The following ABTB2 variants were observed in gnomAD, a reference collection of about 807,000 sequenced individuals.
ABTB2 encodes ankyrin repeat and BTB domain containing 2.
Under a neutral mutation model 104.1 loss-of-function variants are expected in ABTB2, and 56 were observed. The observed-to-expected ratio is 0.54, with a 90% CI of 0.43 to 0.67. ABTB2 has a LOEUF of 0.67. Among genes scored for constraint, ABTB2 ranks in the 30% least tolerant of loss-of-function variants. The pLI, the probability that ABTB2 is intolerant of heterozygous loss-of-function variation, is 0.00. For synonymous variants in ABTB2, 606 were observed against 608.2 expected (o/e 1.00, Z 0.05); for missense variants, 1,279 against 1,407.7 (o/e 0.91, Z 1.46).
At chr11:34,346,621 T>C (rs1855335447) in intron 1 of ABTB2, among the ~76,000 whole-genome samples, 1 of 152,120 alleles carries the variant, frequency 6.6e-6, no homozygotes, top group African/African-American at 2.4e-5. Context: ...CGCTCGACCT[T>C]AGGAAAATGA....
intron 1 of ABTB2, among the ~76,000 whole-genome samples, chr11:34,301,726 G>A (rs1854708767): frequency 6.6e-6 from 1 of 152,228 alleles, no homozygotes; most frequent in Non-Finnish European, 1.5e-5. Context: ...GCTCATGCCT[G>A]TAATCCCAAC....
At chr11:34,196,262 G>A (rs1166830609) in intron 3 of ABTB2, among the ~76,000 whole-genome samples, 1 of 152,158 alleles carries the variant, frequency 6.6e-6, no homozygotes, top group East Asian at 1.9e-4. Context: ...CATTAGAAAA[G>A]GTATCCTAAG....
chr11:34,341,803 T>G (rs2133123643), intron 1 of ABTB2, among the ~76,000 whole-genome samples: 1 of 152,218 alleles, frequency 6.6e-6, no homozygotes, highest in East Asian at 1.9e-4. Context: ...AAAACAAATT[T>G]TTCTTACTCC....
chr11:34,190,425 G>A (rs568749598), intron 3 of ABTB2, among the ~76,000 whole-genome samples: 5 of 152,292 alleles, frequency 3.3e-5, no homozygotes, highest in Non-Finnish European at 7.3e-5. Flanking sequence ...GCTTCCTCCT[G>A]CACTGTCTGG....
Position 34,356,651 on chromosome 11 carries a change from G to A in ABTB2, c.883+50C>T. On this transcript the variant is annotated intron_variant, in intron 1 of 16. Coordinates refer to ENST00000435224, the MANE Select transcript of ABTB2 (RefSeq NM_145804.3). This position sits in a 1 kb window ranked among gnomAD's most constrained non-coding sequence, Gnocchi z 4.6. Reference sequence around the variant, plus strand: ...AAATTCACTCCCCCAGTAGCCCAGGGCGGGATTTCTTGCCTACCCAGTCTG... The same window carrying A: ...AAATTCACTCCCCCAGTAGCCCAGGACGGGATTTCTTGCCTACCCAGTCTG... 1 of 1,493,824 alleles carries A rather than the reference G, an allele frequency of 6.7e-7. No homozygotes were observed. The highest frequency in any genetic ancestry group is 9.0e-7 in the Non-Finnish European group (1 of 1,114,036). The allele number at this position is 1,493,824 out of a possible 1,614,324, so 92.5% of individuals were successfully genotyped here.
At chr11:34,213,970 AC>A (rs923012143) in intron 1 of ABTB2, among the ~76,000 whole-genome samples, 2 of 152,112 alleles carry the variant, frequency 1.3e-5, no homozygotes, top group Non-Finnish European at 2.9e-5. Context: ...GAACTTAGTG[AC>A]CCAGGGAGCA....
At chr11:34,319,104 T>C (rs753412469) in intron 1 of ABTB2, among the ~76,000 whole-genome samples, 32 of 152,098 alleles carry the variant, frequency 2.1e-4, no homozygotes, top group African/African-American at 7.2e-4. Context: ...CACAGAGTAA[T>C]AGGAACAGCG....
At chr11:34,265,270 G>C (rs927261504) in intron 1 of ABTB2, among the ~76,000 whole-genome samples, 3 of 152,202 alleles carry the variant, frequency 2.0e-5, no homozygotes, top group African/African-American at 7.2e-5. Flanking sequence ...AGGCCCACCA[G>C]CATTGGTGCA....
chr11:34,257,637 G>A (rs1036946157), intron 1 of ABTB2, among the ~76,000 whole-genome samples: 1 of 152,108 alleles, frequency 6.6e-6, no homozygotes, highest in African/African-American at 2.4e-5. Flanking sequence ...TGCCCAGGCT[G>A]GAGTGCAGTG....
At chr11:34,205,307 C>T (rs1197290929) in intron 1 of ABTB2, among the ~76,000 whole-genome samples, 2 of 152,222 alleles carry the variant, frequency 1.3e-5, no homozygotes, top group Admixed American at 1.3e-4. Context: ...CGTGTCCTAG[C>T]CACGGGCCAA....
At chr11:34,313,458 AG>A (rs1335084937) in intron 1 of ABTB2, among the ~76,000 whole-genome samples, 1 of 152,298 alleles carries the variant, frequency 6.6e-6, no homozygotes, top group South Asian at 2.1e-4. Context: ...CACCACCATC[AG>A]GCCCCCCAGA....
chr11:34,168,406 G>T (rs1019272739), intron 5 of ABTB2, among the ~76,000 whole-genome samples: 2 of 152,238 alleles, frequency 1.3e-5, no homozygotes, highest in Non-Finnish European at 2.9e-5. Flanking sequence ...GCTTAGTTCA[G>T]AATGAGCTTA....
At chr11:34,349,161 C>T (rs796257911) in intron 1 of ABTB2, among the ~76,000 whole-genome samples, 209 of 152,288 alleles carry the variant, frequency 1.4e-3, no homozygotes, top group African/African-American at 4.5e-3. Context: ...GCCAGCAAAA[C>T]ACAAAACACC....
At chr11:34,198,818 C>T (rs896461902) in intron 2 of ABTB2, among the ~76,000 whole-genome samples, 1 of 152,250 alleles carries the variant, frequency 6.6e-6, no homozygotes, top group African/African-American at 2.4e-5. Flanking sequence ...CTGGCACCTG[C>T]AGGCACCTCC....
At chr11:34,348,251 T>C (rs140518762) in intron 1 of ABTB2, among the ~76,000 whole-genome samples, 106 of 152,342 alleles carry the variant, frequency 7.0e-4, no homozygotes, top group Admixed American at 3.2e-3. Flanking sequence ...TCTGGGGCCA[T>C]GGTTAAGATG....
In ABTB2 at chr11:34,170,941, A is replaced by C. The variant is rs761008650; in HGVS notation, c.1528T>G (p.Leu510Val). ...ATGGTGTTAACCCCATCCGGACCCA[A>C]GGCCTCGATGGCTTGGTTGATGAGG... The part of the protein sequence containing the change: ...TDLINQAIEA[L>V]GPDGVNTMDD... The change falls in exon 5 of 17, where the codon TTG becomes GTG. Residue 510 changes from leucine to valine, a missense_variant. Coordinates refer to ENST00000435224, the MANE Select transcript of ABTB2 (RefSeq NM_145804.3). 1.4e-5 allele frequency: 22 copies of C among 1,614,150 alleles called. No homozygotes were observed. In the South Asian group the frequency reaches 2.3e-4, roughly 17 times the overall value.
At chr11:34,319,919 C>T (rs190637175) in intron 1 of ABTB2, among the ~76,000 whole-genome samples, 107 of 152,180 alleles carry the variant, frequency 7.0e-4, no homozygotes, top group East Asian at 9.7e-4. Flanking sequence ...CCACCCACCT[C>T]GGCCTCCCAA....
At chr11:34,302,609 T>C (rs762277828) in intron 1 of ABTB2, among the ~76,000 whole-genome samples, 9 of 152,222 alleles carry the variant, frequency 5.9e-5, no homozygotes, top group Non-Finnish European at 8.8e-5. Flanking sequence ...TTGTTGGTCA[T>C]TGAGGCTGTG....
At chr11:34,200,332 C>T (rs1032578342) in intron 2 of ABTB2, among the ~76,000 whole-genome samples, 1 of 152,136 alleles carries the variant, frequency 6.6e-6, no homozygotes, top group African/African-American at 2.4e-5. Flanking sequence ...CAGCACACTT[C>T]CTGCTTCATG....
Sources: allele counts gnomAD v4.1 joint callset (sites outside exome capture counted in the v4.1 genomes callset), GRCh38; gene constraint gnomAD v4.1.1; non-coding constraint Gnocchi (gnomAD v3.1); transcripts MANE v1.5; gene names NCBI Gene and HGNC (gene_info 2026-07-23, HGNC 2026-07-21).